The following PTPRN2 variants were observed in gnomAD, a reference collection of about 807,000 sequenced individuals.
PTPRN2 encodes protein tyrosine phosphatase receptor type N2.
In PTPRN2, 74 loss-of-function variants were observed where a neutral mutation model predicts 118.8. That is an observed-to-expected ratio of 0.62 (90% confidence interval 0.52 to 0.76). PTPRN2 has a LOEUF of 0.76. PTPRN2 is among the 30% of genes least tolerant of loss of function. The pLI is 0.00. For synonymous variants in PTPRN2, 641 were observed against 608.0 expected (o/e 1.05, Z -0.80); for missense variants, 1,481 against 1,394.4 (o/e 1.06, Z -0.99).
intron 2 of PTPRN2, among the ~76,000 whole-genome samples, chr7:158,454,282 T>C (rs56079105): frequency 1.1e-3 from 119 of 104,288 alleles, no homozygotes; most frequent in African/African-American, 1.6e-3. Context: ...GGGACAGTTG[T>C]TATGGAGGAC....
At chr7:158,048,890 C>A (rs989273868) in intron 11 of PTPRN2, among the ~76,000 whole-genome samples, 2 of 94,422 alleles carry the variant, frequency 2.1e-5, no homozygotes, top group Non-Finnish European at 4.4e-5. Flanking sequence ...ACCACCATCA[C>A]CATCATCACC....
At chr7:157,799,305 C>T (rs551442718) in intron 12 of PTPRN2, among the ~76,000 whole-genome samples, 41 of 152,136 alleles carry the variant, frequency 2.7e-4, no homozygotes, top group African/African-American at 9.2e-4. Context: ...GCCTCGGATC[C>T]GGGCTGGCCT....
At chr7:158,155,766 CCAT>C in intron 6 of PTPRN2, among the ~76,000 whole-genome samples, 1 of 85,488 alleles carries the variant, frequency 1.2e-5, no homozygotes, top group Non-Finnish European at 2.7e-5. Context: ...ATCATCATCA[CCAT>C]CAACACTATC....
intron 2 of PTPRN2, among the ~76,000 whole-genome samples, chr7:158,324,502 GC>G (rs11331634): frequency 0.86 from 130,428 of 151,790 alleles, 57,659 homozygotes; most frequent in Non-Finnish European, 0.96. Flanking sequence ...GACCAAAAAG[GC>G]TGGTGGTGGG....
chr7:157,936,128 T>G (rs2128785258), intron 11 of PTPRN2, among the ~76,000 whole-genome samples: 1 of 152,338 alleles, frequency 6.6e-6, no homozygotes, highest in South Asian at 2.1e-4. Context: ...CTACAGCAAA[T>G]GCAGACACAT....
intron 11 of PTPRN2, among the ~76,000 whole-genome samples, chr7:157,999,231 CCTT>C (rs1225798280): frequency 5.9e-5 from 9 of 152,212 alleles, no homozygotes; most frequent in Non-Finnish European, 8.8e-5. Context: ...CACAAACCCT[CCTT>C]CTCCCTCGCT....
intron 12 of PTPRN2, among the ~76,000 whole-genome samples, chr7:157,828,433 C>A (rs900449132): frequency 6.6e-6 from 1 of 152,182 alleles, no homozygotes; most frequent in African/African-American, 2.4e-5. Context: ...CACAGCTGTG[C>A]CCCTCGGGAC....
At chr7:158,372,024 G>A (rs546691465) in intron 2 of PTPRN2, among the ~76,000 whole-genome samples, 9 of 152,322 alleles carry the variant, frequency 5.9e-5, no homozygotes, top group Admixed American at 3.3e-4. Context: ...CCTCCTGGGC[G>A]CTGGCTGTGT....
intron 3 of PTPRN2, among the ~76,000 whole-genome samples, chr7:158,250,611 AAAC>A (rs1389959801): frequency 5.9e-5 from 9 of 152,240 alleles, no homozygotes; most frequent in Admixed American, 3.9e-4. Flanking sequence ...AAGTGATAGA[AAAC>A]AACGATTTTT....
At chr7:157,824,020 C>T (rs944972843) in intron 12 of PTPRN2, among the ~76,000 whole-genome samples, 10 of 152,142 alleles carry the variant, frequency 6.6e-5, no homozygotes, top group Non-Finnish European at 1.3e-4. Context: ...TCAAAAGTGG[C>T]CTGGACTTCA....
rs192373252 is a variant in PTPRN2 at position 158,119,145 on chromosome 7, G to A, written c.1557-8230C>T. 2.1e-4 allele frequency among the ~76,000 whole-genome samples: 32 copies of A among 152,182 alleles called. No individual in the cohort carries two copies. In the South Asian group the frequency reaches 2.5e-3, roughly 12 times the overall value. ...TAAGAAACCTCATAATGTACCTAGC[G>A]TGTATAGAGTACTCTTAAAACTCAA... On this transcript the variant is annotated intron_variant, in intron 9 of 22. Coordinates refer to ENST00000389418, the MANE Select transcript of PTPRN2 (RefSeq NM_002847.5).
chr7:158,027,410 C>T (rs1465677589), intron 11 of PTPRN2: 1 of 152,232 alleles, frequency 6.6e-6, no homozygotes, highest in Non-Finnish European at 1.5e-5. Context: ...ACGTGGCTCT[C>T]GGCCCCCATG....
rs548769461 is a variant in PTPRN2 at position 157,611,242 on chromosome 7, G to A, written c.2345-7167C>T. 1.4e-4 allele frequency among the ~76,000 whole-genome samples: 21 copies of A among 152,166 alleles called. No individual in the cohort carries two copies. The highest frequency in any genetic ancestry group is 6.2e-4 in the South Asian group (3 of 4,810). On this transcript the variant is annotated intron_variant, in intron 15 of 22. Coordinates refer to ENST00000389418, the MANE Select transcript of PTPRN2 (RefSeq NM_002847.5). This position sits in a 1 kb window ranked among gnomAD's most constrained non-coding sequence, Gnocchi z 5.9. Reference sequence around the variant, plus strand: ...CCACAGACAGATCTCTCAGAAAGTCGCCCCCCAATGGGATCGGAAGCATGT... The same window carrying A: ...CCACAGACAGATCTCTCAGAAAGTCACCCCCCAATGGGATCGGAAGCATGT...
At chr7:157,748,415 TTCTC>T (rs1801169981) in intron 12 of PTPRN2, among the ~76,000 whole-genome samples, 2 of 47,776 alleles carry the variant, frequency 4.2e-5, no homozygotes, top group Admixed American at 2.5e-4. Flanking sequence ...GCTGCGGGGT[TTCTC>T]GGTAATTCTG....
chr7:157,700,851 C>T (rs1240053108), intron 12 of PTPRN2, among the ~76,000 whole-genome samples: 6 of 152,214 alleles, frequency 3.9e-5, no homozygotes, highest in Non-Finnish European at 8.8e-5. Context: ...CTCTCCCCAT[C>T]GAGGAACCCT....
intron 9 of PTPRN2, among the ~76,000 whole-genome samples, chr7:158,122,508 C>T (rs1286405543): frequency 1.3e-5 from 2 of 152,096 alleles, no homozygotes; most frequent in Non-Finnish European, 2.9e-5. Flanking sequence ...AAAATGACTA[C>T]GGGAGTGTCA....
chr7:157,825,777 G>A (rs553950854), intron 12 of PTPRN2, among the ~76,000 whole-genome samples: 2 of 152,276 alleles, frequency 1.3e-5, no homozygotes, highest in Admixed American at 6.5e-5. Context: ...GAGCAGCAGC[G>A]CTGGCCCCAG....
At chr7:158,564,686 A>T (rs1489903309) in intron 1 of PTPRN2, among the ~76,000 whole-genome samples, 1 of 152,026 alleles carries the variant, frequency 6.6e-6, no homozygotes, top group Non-Finnish European at 1.5e-5. Flanking sequence ...CTCCATCTAG[A>T]CCCTTTCCCT....
chr7:157,711,842 T>C (rs1798639864), intron 12 of PTPRN2, among the ~76,000 whole-genome samples: 1 of 151,190 alleles, frequency 6.6e-6, no homozygotes, highest in African/African-American at 2.4e-5. Context: ...ATATATTCCT[T>C]TTAAGAGGTG....
Sources: gnomAD v4.1 joint callset for allele counts (sites outside exome capture counted in the v4.1 genomes callset) on GRCh38, gnomAD v4.1.1 for gene constraint, Gnocchi (gnomAD v3.1) non-coding constraint, MANE v1.5 for transcripts, NCBI Gene and HGNC (gene_info 2026-07-23, HGNC 2026-07-21) for gene names.